Variants in HEMGN observed in about 807,000 individuals in gnomAD.
The protein encoded by HEMGN is hemogen, also known as erythroid differentiation-associated gene protein.
Under a neutral mutation model 45.7 loss-of-function variants are expected in HEMGN, and 32 were observed. The ratio of observed to expected loss-of-function variants is 0.70; its 90% CI spans 0.53 to 0.94. HEMGN has a LOEUF of 0.94. Ranked by LOEUF, HEMGN falls within the 40% of genes least tolerant of loss-of-function variation. The probability of loss-of-function intolerance (pLI) is 0.00; values close to 1 mark genes in which losing one functional copy is unlikely to be tolerated. For synonymous variants in HEMGN, 183 were observed against 178.6 expected (o/e 1.02, Z -0.20); for missense variants, 530 against 564.2 (o/e 0.94, Z 0.61).
chr9:97,933,852 GC>G (rs1403592369), intron 2 of HEMGN, among the ~76,000 whole-genome samples: 2 of 152,308 alleles, frequency 1.3e-5, no homozygotes, highest in East Asian at 3.9e-4. Context: ...AGTCCAGCCA[GC>G]TGCCAAGAGG....
intron 1 of HEMGN, among the ~76,000 whole-genome samples, chr9:97,944,448 C>T (rs554142988): frequency 6.6e-6 from 1 of 152,268 alleles, no homozygotes; most frequent in Admixed American, 6.5e-5. Context: ...ATGCTCATTC[C>T]ATCTTTTCCT....
At position 97,927,427 on chromosome 9, in the gene HEMGN, T is replaced by G. The variant is rs1826848101; in HGVS notation, c.1412A>C (p.Glu471Ala). 6.2e-7 allele frequency: 1 copy of G among 1,610,262 alleles called. No individual in the cohort carries two copies. Among genetic ancestry groups the G allele is most frequent in the Non-Finnish European group, 8.5e-7 (1 of 1,177,412 alleles). Residue 471 changes from glutamate (E) to alanine (A), a missense_variant, in exon 4 of 4, where the codon GAG becomes GCG. Transcript: ENST00000616898. ...EEPGIPAILNESHPENDVYSY... is the reference protein window; with the variant it reads ...EEPGIPAILNASHPENDVYSY... ...ATAGACATCATTTTCTGGATGACTCTCATTCAGAATTGCTGGTATTCCTGG... is the reference window on the plus strand; with the variant it reads ...ATAGACATCATTTTCTGGATGACTCGCATTCAGAATTGCTGGTATTCCTGG...
chr9:97,940,011 TCC>T (rs1441057825), upstream of HEMGN, among the ~76,000 whole-genome samples: 3 of 152,192 alleles, frequency 2.0e-5, no homozygotes, highest in Admixed American at 6.5e-5. Flanking sequence ...TAAATATTGG[TCC>T]CTTTAGTTGA....
intron 2 of HEMGN, 115 bp from the exon 3 acceptor site, chr9:97,931,336 ACT>A: frequency 1.4e-6 from 1 of 717,102 alleles, no homozygotes; most frequent in Admixed American, 2.9e-5. Context: ...TGAACTAGTC[ACT>A]TAATCTCTCT....
At chr9:97,939,679 A>G (rs1827123251), upstream of HEMGN, among the ~76,000 whole-genome samples, 2 of 152,222 alleles carry the variant, frequency 1.3e-5, no homozygotes, top group Admixed American at 1.3e-4. Flanking sequence ...TGTGTGTATC[A>G]TGTAAATATA....
chr9:97,927,906 TATA>T (rs1826860207), intron 3 of HEMGN, among the ~76,000 whole-genome samples: 1 of 152,118 alleles, frequency 6.6e-6, no homozygotes, highest in Non-Finnish European at 1.5e-5. Context: ...AAATTATATT[TATA>T]ATAATCCTGA....
At chr9:97,938,025 A>G (rs936978003) in intron 1 of HEMGN, 33 bp downstream of exon 1, 5 of 1,373,758 alleles carry the variant, frequency 3.6e-6, no homozygotes, top group Non-Finnish European at 5.1e-6. Flanking sequence ...ATTCTTCTCA[A>G]CAGCCACCAG....
intron 2 of HEMGN, 134 bp from the exon 3 acceptor site, chr9:97,931,355 C>T: frequency 3.1e-6 from 2 of 635,652 alleles, no homozygotes; most frequent in Non-Finnish European, 5.3e-6. Flanking sequence ...CTCTGGGCCT[C>T]AATCTCCTTG....
At chr9:97,936,298 T>C (rs1380699410) in intron 1 of HEMGN, 34 bp from the exon 2 acceptor site, 1 of 1,399,350 alleles carries the variant, frequency 7.1e-7, no homozygotes, top group Non-Finnish European at 1.0e-6. Flanking sequence ...GAAAAAGTGA[T>C]GAACTGTGGT....
chr9:97,929,231 G>A (rs1587851080), intron 3 of HEMGN, among the ~76,000 whole-genome samples: 1 of 152,214 alleles, frequency 6.6e-6, no homozygotes, highest in East Asian at 1.9e-4. Context: ...TGCTTTTGCT[G>A]CAATGTATTT....
upstream of HEMGN, chr9:97,938,315 A>G (rs995466467): frequency 3.5e-5 from 21 of 600,366 alleles, no homozygotes; most frequent in African/African-American, 5.6e-5. Flanking sequence ...GGCTAATTCT[A>G]CTATCTTTAT....
At position 97,930,860 on chromosome 9, in the gene HEMGN, C is replaced by T; in HGVS notation, c.535G>A (p.Glu179Lys). ...GAATTGTCTTGAAGTACAGATATTT[C>T]TTGGTACATTTTAGGAGAGAGGTCT... ...PEDLSPKMYQ[E>K]ISVLQDNSSK... The change falls in exon 3 of 4, where the codon GAA (glutamate) becomes AAA (lysine). Residue 179 changes from glutamate (E) to lysine (K), a missense_variant. By Grantham distance (56) the Glu-to-Lys change is moderately conservative. Coordinates refer to ENST00000616898, the MANE Select transcript of HEMGN (RefSeq NM_197978.3). 6.2e-7 allele frequency: 1 copy of T among 1,614,050 alleles called. No individual in the cohort carries two copies. Among genetic ancestry groups the T allele is most frequent in the Non-Finnish European group, 8.5e-7 (1 of 1,179,962 alleles).
At chr9:97,944,240 A>G (rs1029822419) in intron 1 of HEMGN, among the ~76,000 whole-genome samples, 2 of 152,180 alleles carry the variant, frequency 1.3e-5, no homozygotes, top group East Asian at 3.8e-4. Flanking sequence ...CTGCACCTCA[A>G]ACTTAGCATA....
chr9:97,929,066 TCAAA>T (rs1216867557), intron 3 of HEMGN, among the ~76,000 whole-genome samples: 8 of 152,224 alleles, frequency 5.3e-5, no homozygotes, highest in African/African-American at 1.4e-4. Flanking sequence ...ATTTATTTGG[TCAAA>T]CAAAGCCAAA....
chr9:97,927,632 A>G (rs901501281), intron 3 of HEMGN, among the ~76,000 whole-genome samples, 154 bp from the exon 4 acceptor site: 1 of 152,220 alleles, frequency 6.6e-6, no homozygotes, highest in African/African-American at 2.4e-5. Context: ...TAGAAATAAT[A>G]GTGTTTTTAG....
Position 97,931,512 on chromosome 9 carries a change from T to C in HEMGN, c.174-291A>G, listed in dbSNP as rs760600113. On this transcript the variant is annotated intron_variant, in intron 2 of 3. Coordinates refer to ENST00000616898, the MANE Select transcript of HEMGN (RefSeq NM_197978.3). ...CGCGTATGCGTGCGTGCGTGTGTTA[T>C]AGCATATTCTTAAAGTTTTGTTATG... Among the ~76,000 whole-genome samples, 77 of 152,242 alleles carry C rather than the reference T, an allele frequency of 5.1e-4. 1 individual carries two copies. The highest frequency in any genetic ancestry group is 1.8e-4 in the Non-Finnish European group (12 of 68,036).
intron 3 of HEMGN, among the ~76,000 whole-genome samples, chr9:97,928,181 C>A (rs1449917817): frequency 6.6e-6 from 1 of 152,098 alleles, no homozygotes; most frequent in Non-Finnish European, 1.5e-5. Flanking sequence ...CGCCCGCCAC[C>A]GCGCCCGGCT....
intron 2 of HEMGN, among the ~76,000 whole-genome samples, chr9:97,933,045 G>A (rs568940147): frequency 6.6e-6 from 1 of 152,234 alleles, no homozygotes; most frequent in East Asian, 1.9e-4. Context: ...AATAGTCCAT[G>A]TCTTCCCAGG....
intron 2 of HEMGN, 98 bp downstream of exon 2, chr9:97,936,073 G>C (rs1323180881): frequency 1.5e-5 from 12 of 808,374 alleles, no homozygotes; most frequent in Non-Finnish European, 2.3e-5. Context: ...AGGATTGTTG[G>C]AAAGATAAAA....
Sources: allele counts gnomAD v4.1 joint callset (sites outside exome capture counted in the v4.1 genomes callset), GRCh38; gene constraint gnomAD v4.1.1; transcripts MANE v1.5; gene names NCBI Gene and HGNC (gene_info 2026-07-23, HGNC 2026-07-21).